ANP32A: variants seen among roughly 807,000 people sequenced by gnomAD.
ANP32A encodes the protein acidic nuclear phosphoprotein 32 family member A, also known as acidic leucine-rich nuclear phosphoprotein 32 family member A.
In ANP32A, 1 loss-of-function variant was observed where a neutral mutation model predicts 33.9. That is an observed-to-expected ratio of 0.03 (90% CI 0.01 to 0.14). The LOEUF is 0.14. Among genes scored for constraint, ANP32A ranks in the 10% least tolerant of loss-of-function variants. The pLI is 1.00. For missense variants in ANP32A, 155 were observed against 306.0 expected (o/e 0.51, Z 3.68); for synonymous variants, 115 against 120.5 (o/e 0.95, Z 0.30).
chr15:68,783,109 C>T (rs1046843871), intron 4 of ANP32A, 56 bp from the exon 5 acceptor site: 2 of 1,548,016 alleles, frequency 1.3e-6, no homozygotes, highest in African/African-American at 1.4e-5. Context: ...GGCTCCGCCC[C>T]CCACACAGCA....
chr15:68,809,470 C>A (rs1362276776), intron 1 of ANP32A, among the ~76,000 whole-genome samples: 1 of 152,152 alleles, frequency 6.6e-6, no homozygotes. Flanking sequence ...TTAAATGTAT[C>A]CTTTTTAATT....
chr15:68,818,237 G>T (rs1193291924), intron 1 of ANP32A: 1 of 257,926 alleles, frequency 3.9e-6, no homozygotes, highest in South Asian at 3.0e-5. Context: ...CGCGAGCCCC[G>T]GGAAACATGG....
At position 68,796,647 on chromosome 15, in the gene ANP32A, G is replaced by C. The variant is rs116692223; in HGVS notation, c.55-8728C>G. On this transcript the variant is annotated intron_variant, in intron 1 of 6. Coordinates refer to ENST00000465139, the MANE Select transcript of ANP32A (RefSeq NM_006305.4). ...AGTCCCAGCAGGTGGTGTGTGAACA[G>C]TAACCAGGGAAGAGAAGGAAAAGGG... Among the ~76,000 whole-genome samples, 487 of 152,342 alleles carry C rather than the reference G, an allele frequency of 3.2e-3. 3 individuals carry two copies. The highest frequency in any genetic ancestry group is 0.011 in the African/African-American group (461 of 41,568).
At chr15:68,797,086 C>A (rs1241207880) in intron 1 of ANP32A, among the ~76,000 whole-genome samples, 1 of 152,050 alleles carries the variant, frequency 6.6e-6, no homozygotes, top group Admixed American at 6.5e-5. Flanking sequence ...ATCAGCACCC[C>A]CAAAATAAGT....
At chr15:68,798,102 T>C (rs1300188934) in intron 1 of ANP32A, among the ~76,000 whole-genome samples, 1 of 152,154 alleles carries the variant, frequency 6.6e-6, no homozygotes, top group Admixed American at 6.5e-5. Context: ...GATTGGGAGA[T>C]TGAAGCCCAG....
In ANP32A at chr15:68,804,806, C is replaced by T. The variant is rs546828767; in HGVS notation, c.54+15892G>A. 7.2e-5 allele frequency among the ~76,000 whole-genome samples: 11 copies of T among 152,254 alleles called. No individual in the cohort carries two copies. The East Asian group carries it at 1.5e-3, about 21-fold the overall frequency. ...GAGATTGTAGGCGTGAGCCGCTGCA[C>T]GCGGCTGTGTCTGCCTTTGAGAAGC... is the stretch of plus-strand genomic sequence containing the variant. On this transcript the variant is annotated intron_variant, in intron 1 of 6. Coordinates refer to ENST00000465139, the MANE Select transcript of ANP32A (RefSeq NM_006305.4).
In ANP32A at chr15:68,820,806, AC is replaced by A; in HGVS notation, c.-56del. 6.2e-7 allele frequency: 1 copy of A among 1,600,192 alleles called. No individual in the cohort carries two copies. Among genetic ancestry groups the A allele is most frequent in the East Asian group, 2.2e-5 (1 of 44,620 alleles). ...CGCGCCGGCGGAATTCAATCAATAA[AC>A]CCCGAACCCACGGCCGCGCGTTTTA... On this transcript the variant is annotated 5_prime_UTR_variant, in exon 1 of 7. Transcript: ENST00000465139.
At chr15:68,787,639 C>A in intron 2 of ANP32A, 104 bp from the exon 3 acceptor site, 1 of 1,597,360 alleles carries the variant, frequency 6.3e-7, no homozygotes, top group South Asian at 1.1e-5. Flanking sequence ...GGAAAGCAGT[C>A]TCAGGCAATT....
Position 68,779,907 on chromosome 15 carries a change from C to A in ANP32A, c.*174G>T, listed in dbSNP as rs1031891862. 1.6e-5 allele frequency: 8 copies of A among 495,896 alleles called. No individual in the cohort carries two copies. The highest frequency in any genetic ancestry group is 5.6e-4 in the Middle Eastern group (1 of 1,786). The allele number at this position is 495,896 out of a possible 1,614,324, so 30.7% of individuals were successfully genotyped here. A position where few individuals can be genotyped will look rare whatever the true frequency, so the allele number is the denominator to read the frequency against. ...AAATAGTATTTTATTCCACCCCCAC[C>A]CGCCATCCCTCCCCCCGCAACCCCC... On this transcript the variant is annotated 3_prime_UTR_variant, in exon 7 of 7. Coordinates refer to ENST00000465139, the MANE Select transcript of ANP32A (RefSeq NM_006305.4).
At chr15:68,803,831 C>A (rs982102798) in intron 1 of ANP32A, among the ~76,000 whole-genome samples, 6 of 103,294 alleles carry the variant, frequency 5.8e-5, no homozygotes, top group South Asian at 3.3e-4. Context: ...GAGACGGAGT[C>A]TTGCTCTGTT....
At position 68,820,679 on chromosome 15, in the gene ANP32A, A is replaced by G. The variant is rs1406666889; in HGVS notation, c.54+19T>C. The G allele has an allele frequency of 5.3e-5, 83 of 1,567,960 alleles. 2 individuals carry two copies. In the Admixed American group the frequency reaches 1.4e-3, roughly 27 times the overall value. On this transcript the variant is annotated intron_variant, in intron 1 of 6. Transcript: ENST00000465139. ...AGTAGGAGAATGGACCGACAGAGAT[A>G]TTTTTGGCAAATGCTCACATCAGAG...
At chr15:68,794,259 T>C (rs926750555) in intron 1 of ANP32A, among the ~76,000 whole-genome samples, 1 of 152,226 alleles carries the variant, frequency 6.6e-6, no homozygotes, top group Non-Finnish European at 1.5e-5. Context: ...TCAACTAAGC[T>C]GTCTGTACGG....
chr15:68,814,056 A>G (rs1358637219), intron 1 of ANP32A, among the ~76,000 whole-genome samples: 1 of 152,032 alleles, frequency 6.6e-6, no homozygotes, highest in Admixed American at 6.6e-5. Flanking sequence ...TTTTTACTAG[A>G]GACGGGGTTT....
chr15:68,805,855 G>C (rs1894213090), intron 1 of ANP32A, among the ~76,000 whole-genome samples: 4 of 152,140 alleles, frequency 2.6e-5, no homozygotes, highest in Admixed American at 2.0e-4. Flanking sequence ...TTTGCTTGAA[G>C]GCTTACTACT....
chr15:68,787,386 A>G, intron 3 of ANP32A, 27 bp downstream of exon 3: 5 of 1,613,784 alleles, frequency 3.1e-6, no homozygotes, highest in South Asian at 1.1e-5. Context: ...CTACCCCTGC[A>G]GGGAGGGGAG....
chr15:68,800,104 A>C (rs1231840544), intron 1 of ANP32A, among the ~76,000 whole-genome samples: 1 of 152,208 alleles, frequency 6.6e-6, no homozygotes, highest in Non-Finnish European at 1.5e-5. Flanking sequence ...AGAGCTTCAT[A>C]CATAAAGAGT....
At chr15:68,782,659 C>T (rs1312799539) in intron 5 of ANP32A, 1 of 390,372 alleles carries the variant, frequency 2.6e-6, no homozygotes, top group Admixed American at 4.0e-5. Flanking sequence ...GAAAATGGGG[C>T]CATGCATTCT....
Position 68,787,570 on chromosome 15 carries a change from C to G in ANP32A, c.205-35G>C, listed in dbSNP as rs200830759. ...GCAGGGAAAGAAAAAGCAGAAACAG[C>G]TTTTAAAATGAAGGCTACCGGCTCA... is the stretch of plus-strand genomic sequence containing the variant. On this transcript the variant is annotated intron_variant, in intron 2 of 6. Transcript: ENST00000465139. 2.8e-4 allele frequency: 458 copies of G among 1,613,764 alleles called. No individual in the cohort carries two copies. In the African/African-American group the frequency reaches 5.7e-3, roughly 20 times the overall value.
chr15:68,792,585 T>C (rs1894011639), intron 1 of ANP32A, among the ~76,000 whole-genome samples: 2 of 152,232 alleles, frequency 1.3e-5, no homozygotes, highest in Admixed American at 1.3e-4. Flanking sequence ...TGTTTAAAAC[T>C]GAAATCTTGT....
Sources: gnomAD v4.1 joint callset for allele counts (sites outside exome capture counted in the v4.1 genomes callset) on GRCh38, gnomAD v4.1.1 for gene constraint, MANE v1.5 for transcripts, NCBI Gene and HGNC (gene_info 2026-07-23, HGNC 2026-07-21) for gene names.